The following TIMP2 variants were observed in gnomAD, a reference collection of about 807,000 sequenced individuals.
TIMP2 encodes metalloproteinase inhibitor 2.
A neutral mutation model predicts 24.3 loss-of-function variants in TIMP2; 5 were observed. The observed-to-expected ratio is 0.21, with a 90% CI of 0.11 to 0.43. TIMP2 has a LOEUF of 0.43. TIMP2 is among the 20% of genes least tolerant of loss of function. TIMP2 has a pLI of 1.00. For missense variants in TIMP2, 221 were observed against 297.5 expected (o/e 0.74, Z 1.89); for synonymous variants, 130 against 123.2 (o/e 1.06, Z -0.37).
At chr17:78,885,931 G>T (rs1044448208) in intron 1 of TIMP2, among the ~76,000 whole-genome samples, 1 of 152,144 alleles carries the variant, frequency 6.6e-6, no homozygotes, top group African/African-American at 2.4e-5. Context: ...GTGACCAAGG[G>T]GGGAGGGGAA....
intron 4 of TIMP2, chr17:78,856,687 G>A: frequency 6.6e-6 from 1 of 152,484 alleles, no homozygotes; most frequent in Non-Finnish European, 1.5e-5. Context: ...GCGCTGCACT[G>A]CTCCAGCTGT....
intron 3 of TIMP2, among the ~76,000 whole-genome samples, chr17:78,862,548 G>A (rs2069576010): frequency 6.6e-6 from 1 of 152,212 alleles, no homozygotes; most frequent in Non-Finnish European, 1.5e-5. Context: ...CACTGGGCAG[G>A]TCTCACAATC....
At chr17:78,905,976 C>T (rs1313400787) in intron 1 of TIMP2, among the ~76,000 whole-genome samples, 1 of 152,220 alleles carries the variant, frequency 6.6e-6, no homozygotes, top group Non-Finnish European at 1.5e-5. Flanking sequence ...GTTTCCCAAA[C>T]CAATATATAT....
At chr17:78,914,796 A>G (rs1189280561) in intron 1 of TIMP2, among the ~76,000 whole-genome samples, 1 of 152,044 alleles carries the variant, frequency 6.6e-6, no homozygotes, top group Non-Finnish European at 1.5e-5. Context: ...TATGTTGCCT[A>G]GGCTGATCTG....
chr17:78,879,871 T>TC (rs2069763479), intron 1 of TIMP2, among the ~76,000 whole-genome samples: 1 of 149,712 alleles, frequency 6.7e-6, no homozygotes, highest in South Asian at 2.2e-4. Flanking sequence ...TGATGTCACT[T>TC]CCCCCCTGCA....
rs765512260 is a variant in TIMP2 at position 78,871,021 on chromosome 17, A to G, written c.232-15T>C. ...CCTTTGAACATCTGGAAAGACAAGGAGGAGGACATGTAAGCAGAGGGAGGC... is the reference window on the plus strand; with the variant it reads ...CCTTTGAACATCTGGAAAGACAAGGGGGAGGACATGTAAGCAGAGGGAGGC... On this transcript the variant is annotated splice_polypyrimidine_tract_variant and intron_variant, in intron 2 of 4. Transcript: ENST00000262768. 1.2e-6 allele frequency: 2 copies of G among 1,607,316 alleles called. No individual in the cohort carries two copies. The highest frequency in any genetic ancestry group is 2.2e-5 in the South Asian group (2 of 90,246).
chr17:78,879,656 C>T (rs1172060038), intron 1 of TIMP2, among the ~76,000 whole-genome samples: 1 of 152,160 alleles, frequency 6.6e-6, no homozygotes, highest in African/African-American at 2.4e-5. Flanking sequence ...GAAACCACGG[C>T]CTCTCCCTGG....
rs1014918945 is a variant in TIMP2, at chr17:78,924,390, G to A, written c.130+569C>T. The stretch of plus-strand genomic sequence containing the variant: ...GGAGCCACGCCAGGAGACGCCACCG[G>A]CTTTTTCACCTGCCCCTCTGGGCCT... On this transcript the variant is annotated intron_variant, in intron 1 of 4. Transcript: ENST00000262768. This position sits in a 1 kb window ranked among gnomAD's most constrained non-coding sequence, Gnocchi z 5.3. Among the ~76,000 whole-genome samples the A allele has an allele frequency of 6.6e-6, 1 of 152,220 alleles. No homozygotes were observed. Among genetic ancestry groups the A allele is most frequent in the Non-Finnish European group, 1.5e-5 (1 of 68,034 alleles).
At chr17:78,886,509 A>C (rs889321771) in intron 1 of TIMP2, among the ~76,000 whole-genome samples, 1 of 152,176 alleles carries the variant, frequency 6.6e-6, no homozygotes, top group Non-Finnish European at 1.5e-5. Context: ...TGCAAAAAAT[A>C]GCTGGGCACA....
At chr17:78,858,696 A>T (rs1050822397) in intron 3 of TIMP2, among the ~76,000 whole-genome samples, 7 of 150,956 alleles carry the variant, frequency 4.6e-5, no homozygotes, top group Admixed American at 4.0e-4. Context: ...AATTTTTTAT[A>T]TTTTTTTTTG....
chr17:78,885,682 T>G (rs2069819649), intron 1 of TIMP2, among the ~76,000 whole-genome samples: 3 of 149,872 alleles, frequency 2.0e-5, no homozygotes, highest in Non-Finnish European at 3.0e-5. Context: ...GTGTGAGGGG[T>G]GTGAGGGGTG....
intron 1 of TIMP2, among the ~76,000 whole-genome samples, chr17:78,910,617 G>A (rs1394931442): frequency 6.6e-6 from 1 of 152,016 alleles, no homozygotes; most frequent in African/African-American, 2.4e-5. Context: ...CCAGACTCTA[G>A]TATTCTCTGT....
At position 78,854,673 on chromosome 17, in the gene TIMP2, G is replaced by A. The variant is rs2069509282; in HGVS notation, c.*994C>T. ...GAGGGAGGGAACACTAAGCCTGGGA[G>A]GGCACAGCAAGACCCAGCTTTTTCT... is the stretch of plus-strand genomic sequence containing the variant. On this transcript the variant is annotated 3_prime_UTR_variant, in exon 5 of 5. Transcript: ENST00000262768. 6.6e-6 allele frequency: 1 copy of A among 152,126 alleles called. No individual in the cohort carries two copies. Among genetic ancestry groups the A allele is most frequent in the Admixed American group, 6.6e-5 (1 of 15,254 alleles). The allele number at this position is 152,126 out of a possible 1,614,324, so 9.4% of individuals were successfully genotyped here.
Position 78,896,850 on chromosome 17 carries a change from C to T in TIMP2, c.131-22931G>A, listed in dbSNP as rs890624286. ...AGCCCCGTGGCCCCAGCGCAGGAGC[C>T]AGCCCATGGCAGCTCCACCCCAGAC... On this transcript the variant is annotated intron_variant, in intron 1 of 4. Transcript: ENST00000262768. The surrounding 1 kb of genome is among the most constrained non-coding windows in gnomAD (Gnocchi z 4.4). 7 of 871,342 alleles carry T rather than the reference C, an allele frequency of 8.0e-6. No homozygotes were observed. In the African/African-American group the frequency reaches 1.1e-4, roughly 14 times the overall value. 54.0% of individuals were successfully genotyped at this position (871,342 alleles called of 1,614,324 possible). A position where few individuals can be genotyped will look rare whatever the true frequency, so the allele number is the denominator to read the frequency against.
At chr17:78,857,284 G>A (rs980579744) in intron 4 of TIMP2, 8 of 517,784 alleles carry the variant, frequency 1.5e-5, no homozygotes, top group Admixed American at 3.3e-5. Flanking sequence ...CGCAGCGCCC[G>A]GCCTCCAGAC....
chr17:78,861,964 T>C (rs2069570681), intron 3 of TIMP2, among the ~76,000 whole-genome samples: 2 of 152,202 alleles, frequency 1.3e-5, no homozygotes, highest in Non-Finnish European at 2.9e-5. Flanking sequence ...TAAGACTTGG[T>C]TGGGTGTACA....
intron 1 of TIMP2, chr17:78,900,100 G>A (rs2070067327): frequency 6.6e-6 from 1 of 152,112 alleles, no homozygotes; most frequent in Admixed American, 6.5e-5. Flanking sequence ...TCCCTCGAGG[G>A]CTTTTAAAAT....
chr17:78,869,212 G>C (rs1331490820), intron 3 of TIMP2, among the ~76,000 whole-genome samples: 1 of 152,020 alleles, frequency 6.6e-6, no homozygotes, highest in Non-Finnish European at 1.5e-5. Flanking sequence ...CTTGAGCCTC[G>C]GAGTTCAAGA....
chr17:78,866,516 C>G (rs1053146053), intron 3 of TIMP2, among the ~76,000 whole-genome samples: 2 of 136,688 alleles, frequency 1.5e-5, no homozygotes, highest in African/African-American at 5.3e-5. Flanking sequence ...CCTCCCCACC[C>G]CCGACCCCAC....
Sources: allele counts gnomAD v4.1 joint callset (sites outside exome capture counted in the v4.1 genomes callset), GRCh38; gene constraint gnomAD v4.1.1; non-coding constraint Gnocchi (gnomAD v3.1); transcripts MANE v1.5; gene names NCBI Gene and HGNC (gene_info 2026-07-23, HGNC 2026-07-21).